The following ICA1L variants were observed in gnomAD, a reference collection of about 807,000 sequenced individuals.
The protein encoded by ICA1L is islet cell autoantigen 1-like protein.
Under a neutral mutation model 61.3 loss-of-function variants are expected in ICA1L, and 50 were observed. The ratio of observed to expected loss-of-function variants is 0.82; its 90% CI spans 0.65 to 1.03. ICA1L has a LOEUF of 1.03. Ranked by LOEUF, ICA1L falls within the 50% of genes least tolerant of loss-of-function variation. ICA1L has a pLI of 0.00. For synonymous variants in ICA1L, 161 were observed against 191.3 expected, an observed-to-expected ratio of 0.84 and a Z score of 1.31; for missense variants, 508 against 556.7, an observed-to-expected ratio of 0.91 and a Z score of 0.88.
rs571516919 is a variant in ICA1L, at chr2:202,775,481, A to T, written c.*4052T>A. On this transcript the variant is annotated 3_prime_UTR_variant, in exon 13 of 13. Transcript: ENST00000358299. Reference sequence around the variant, plus strand: ...TACATTATATTATTTCCCATATCTTACATAGTCCCCTTGTATATGAAATAA... The same window carrying T: ...TACATTATATTATTTCCCATATCTTTCATAGTCCCCTTGTATATGAAATAA... 6.6e-6 allele frequency: 1 copy of T among 152,288 alleles called. No homozygotes were observed. The highest frequency in any genetic ancestry group is 1.9e-4 in the East Asian group (1 of 5,182). The allele number at this position is 152,288 out of a possible 1,614,324, so 9.4% of individuals were successfully genotyped here. A position where few individuals can be genotyped will look rare whatever the true frequency, so the allele number is the denominator to read the frequency against.
intron 1 of ICA1L, among the ~76,000 whole-genome samples, chr2:202,860,885 T>A (rs1694891897): frequency 6.6e-6 from 1 of 152,134 alleles, no homozygotes; most frequent in Admixed American, 6.6e-5. Flanking sequence ...AGATAAATAA[T>A]ATTTCCAGGG....
At chr2:202,835,578 A>T (rs1301241314) in intron 1 of ICA1L, among the ~76,000 whole-genome samples, 3 of 145,014 alleles carry the variant, frequency 2.1e-5, no homozygotes, top group East Asian at 4.0e-4. Flanking sequence ...ACGTAGTCTT[A>T]CTCTGTTACC....
intron 1 of ICA1L, among the ~76,000 whole-genome samples, chr2:202,839,849 C>T (rs903953946): frequency 4.0e-5 from 6 of 151,644 alleles, no homozygotes; most frequent in African/African-American, 7.3e-5. Flanking sequence ...TTGTATCTTT[C>T]GTTTATCCAC....
intron 10 of ICA1L, among the ~76,000 whole-genome samples, chr2:202,794,241 G>A (rs970642434): frequency 2.6e-5 from 4 of 150,966 alleles, no homozygotes; most frequent in African/African-American, 9.8e-5. Context: ...AGCTACTTGG[G>A]AGGCTGAAGC....
At chr2:202,811,551 A>T (rs1435216596) in intron 9 of ICA1L, among the ~76,000 whole-genome samples, 195 bp downstream of exon 9, 1 of 151,324 alleles carries the variant, frequency 6.6e-6, no homozygotes, top group African/African-American at 2.4e-5. Context: ...AGTCCCAGCT[A>T]CTCAGGAGGC....
rs969666781 is a variant in ICA1L at position 202,776,022 on chromosome 2, G to C, written c.*3511C>G. 1 of 152,090 alleles carries C rather than the reference G, an allele frequency of 6.6e-6. No individual in the cohort carries two copies. 9.4% of individuals were successfully genotyped at this position (152,090 alleles called of 1,614,324 possible). On this transcript the variant is annotated 3_prime_UTR_variant, in exon 13 of 13. Coordinates refer to ENST00000358299, the MANE Select transcript of ICA1L (RefSeq NM_001288622.3). Reference sequence around the variant, plus strand: ...TAAAAGAGGCTCAGAAAAATAGATAGAGCACATGTAAACTTCCTTCGTTCT... The same window carrying C: ...TAAAAGAGGCTCAGAAAAATAGATACAGCACATGTAAACTTCCTTCGTTCT...
chr2:202,849,932 C>T lies in ICA1L; in HGVS notation c.-7-20916G>A, dbSNP rs1694570365. Among the ~76,000 whole-genome samples the T allele has an allele frequency of 2.0e-5, 3 of 152,266 alleles. No individual in the cohort carries two copies. The highest frequency in any genetic ancestry group is 7.2e-5 in the African/African-American group (3 of 41,550). ...GCATCAGGCTGGTGCCCCTCTGGAA[C>T]AAAGCTTTCAGAGGAAGGAACAGGC... On this transcript the variant is annotated intron_variant, in intron 1 of 12. Coordinates refer to ENST00000358299, the MANE Select transcript of ICA1L (RefSeq NM_001288622.3). This position sits in a 1 kb window ranked among gnomAD's most constrained non-coding sequence, Gnocchi z 4.5.
At chr2:202,835,228 T>C (rs1694116165) in intron 1 of ICA1L, among the ~76,000 whole-genome samples, 1 of 147,330 alleles carries the variant, frequency 6.8e-6, no homozygotes, top group South Asian at 2.1e-4. Context: ...TTTTTTTTTT[T>C]TTTTTTTTTT....
At chr2:202,852,236 T>A (rs998076245) in intron 1 of ICA1L, among the ~76,000 whole-genome samples, 3 of 152,188 alleles carry the variant, frequency 2.0e-5, no homozygotes, top group Non-Finnish European at 4.4e-5. Flanking sequence ...TATAGCAGCA[T>A]GATTTACAAT....
Position 202,796,038 on chromosome 2 carries a change from T to TA in ICA1L, c.985+851dup, listed in dbSNP as rs946498142. Among the ~76,000 whole-genome samples, 413 of 136,268 alleles carry TA rather than the reference T, an allele frequency of 3.0e-3. 1 individual carries two copies. Among genetic ancestry groups the TA allele is most frequent in the East Asian group, 0.011 (53 of 4,780 alleles). The allele number at this position is 136,268 out of a possible 152,430, so 89.4% of individuals were successfully genotyped here. ...AGCCTGGATGACAGAGCGAGACTGTTAAAAAAAAAAAAAAGTATATAAAGG... is the reference window on the plus strand; with the variant it reads ...AGCCTGGATGACAGAGCGAGACTGTTAAAAAAAAAAAAAAAGTATATAAAGG... On this transcript the variant is annotated intron_variant, in intron 10 of 12. Transcript: ENST00000358299.
intron 2 of ICA1L, among the ~76,000 whole-genome samples, chr2:202,828,420 CTCTA>C (rs1013281927): frequency 1.7e-4 from 26 of 151,194 alleles, no homozygotes; most frequent in South Asian, 2.1e-4. Flanking sequence ...ATTTCAATAA[CTCTA>C]TCTTTTAATA....
chr2:202,819,460 GATCT>G, intron 5 of ICA1L: 1 of 402,164 alleles, frequency 2.5e-6, no homozygotes, highest in Non-Finnish European at 4.4e-6. Flanking sequence ...AAGTAATTTA[GATCT>G]ATCATGAGAC....
intron 4 of ICA1L, among the ~76,000 whole-genome samples, chr2:202,820,403 C>A (rs987420058): frequency 6.6e-6 from 1 of 152,046 alleles, no homozygotes; most frequent in Non-Finnish European, 1.5e-5. Context: ...TCTACACCTC[C>A]TCCCTTGTTA....
At chr2:202,871,375 G>C (rs906803494) in intron 1 of ICA1L, 1 of 152,218 alleles carries the variant, frequency 6.6e-6, no homozygotes, top group African/African-American at 2.4e-5. Flanking sequence ...TTTTGCCTGG[G>C]GGGAGGCCGG....
intron 10 of ICA1L, among the ~76,000 whole-genome samples, chr2:202,795,068 CTTTTCTT>C (rs1461501797): frequency 1.0e-3 from 125 of 121,824 alleles, no homozygotes; most frequent in African/African-American, 3.5e-3. Context: ...AGAAAGTTTC[CTTTTCTT>C]TTTTTTTTTT....
chr2:202,840,778 G>T (rs1038002832), intron 1 of ICA1L: 8 of 596,620 alleles, frequency 1.3e-5, no homozygotes, highest in Non-Finnish European at 2.5e-5. Flanking sequence ...AGGCATCTGC[G>T]ATGGCAGCCT....
rs1382872939 is a variant in ICA1L, at chr2:202,840,232, T to C, written c.-7-11216A>G. 4 of 423,484 alleles carry C rather than the reference T, an allele frequency of 9.4e-6. No individual in the cohort carries two copies. In the East Asian group the frequency reaches 2.8e-4, roughly 30 times the overall value. The allele number at this position is 423,484 out of a possible 1,614,324, so 26.2% of individuals were successfully genotyped here. A position where few individuals can be genotyped will look rare whatever the true frequency, so the allele number is the denominator to read the frequency against. On this transcript the variant is annotated intron_variant, in intron 1 of 12. Coordinates refer to ENST00000358299, the MANE Select transcript of ICA1L (RefSeq NM_001288622.3). Reference sequence around the variant, plus strand: ...CTGAGGGCTAGGGCTGAGCCTCAGGTGGGTCTCCTGTTCCCTGTGCTCCCC... The same window carrying C: ...CTGAGGGCTAGGGCTGAGCCTCAGGCGGGTCTCCTGTTCCCTGTGCTCCCC...
intron 1 of ICA1L, among the ~76,000 whole-genome samples, chr2:202,846,800 T>C (rs1395030934): frequency 2.6e-5 from 4 of 152,246 alleles, no homozygotes; most frequent in Admixed American, 6.5e-5. Context: ...GTAGCAATCT[T>C]ACCTGAAATG....
chr2:202,816,021 G>C lies in ICA1L; in HGVS notation c.685-12C>G, dbSNP rs375645842. On this transcript the variant is annotated splice_polypyrimidine_tract_variant and intron_variant, in intron 6 of 12. Transcript: ENST00000358299. ...CCAAGCAGTGTTCTCTGCAAAAAAA[G>C]AAAAGGTGACACTACAGTTCTGCTT... 9.0e-6 allele frequency: 14 copies of C among 1,553,586 alleles called. No individual in the cohort carries two copies. The highest frequency in any genetic ancestry group is 1.1e-5 in the Non-Finnish European group (13 of 1,143,306).
Sources: gnomAD v4.1 joint callset for allele counts (sites outside exome capture counted in the v4.1 genomes callset) on GRCh38, gnomAD v4.1.1 for gene constraint, Gnocchi (gnomAD v3.1) non-coding constraint, MANE v1.5 for transcripts, NCBI Gene and HGNC (gene_info 2026-07-23, HGNC 2026-07-21) for gene names.